Variants in GRM7 observed in about 807,000 individuals in gnomAD.
GRM7 encodes the protein glutamate metabotropic receptor 7, also known as metabotropic glutamate receptor 7.
In GRM7, 35 loss-of-function variants were observed where a neutral mutation model predicts 84.5. The ratio of observed to expected loss-of-function variants is 0.41; its 90% CI spans 0.32 to 0.55. GRM7 has a LOEUF of 0.55. Among genes scored for constraint, GRM7 ranks in the 20% least tolerant of loss-of-function variants. The pLI, the probability that GRM7 is intolerant of heterozygous loss-of-function variation, is 0.19. For synonymous variants in GRM7, 487 were observed against 455.1 expected (o/e 1.07, Z -0.89); for missense variants, 1,003 against 1,194.6 (o/e 0.84, Z 2.36).
rs71066013 is a variant in GRM7 at position 7,460,099 on chromosome 3, T to TAAAAAA, written c.1376-1459_1376-1454dup. On this transcript the variant is annotated intron_variant, in intron 6 of 9. Coordinates refer to ENST00000357716, the MANE Select transcript of GRM7 (RefSeq NM_000844.4). ...ACAGGGAAAAGTATGCTTAAAATAG[T>TAAAAAA]AAAAAAAAAAAAAAAAAAAAAAAAA... Among the ~76,000 whole-genome samples, 399 of 49,548 alleles carry TAAAAAA rather than the reference T, an allele frequency of 8.1e-3. 12 individuals are homozygous for TAAAAAA. Among genetic ancestry groups the TAAAAAA allele is most frequent in the South Asian group, 0.012 (9 of 744 alleles). 32.5% of individuals were successfully genotyped at this position (49,548 alleles called of 152,430 possible). A position where few individuals can be genotyped will look rare whatever the true frequency, so the allele number is the denominator to read the frequency against.
In GRM7 at chr3:6,890,749, T is replaced by C. The variant is rs367775965; in HGVS notation, c.519+28842T>C. On this transcript the variant is annotated intron_variant, in intron 1 of 9. Coordinates refer to ENST00000357716, the MANE Select transcript of GRM7 (RefSeq NM_000844.4). ...GAGTTCTGTAGATGTCTATTAGGTC[T>C]GCTTGGTGTAGAGCTGAGTTCAATT... Among the ~76,000 whole-genome samples the C allele has an allele frequency of 1.2e-4, 19 of 152,268 alleles. No individual in the cohort carries two copies. In the East Asian group the frequency reaches 2.3e-3, roughly 19 times the overall value.
intron 4 of GRM7, among the ~76,000 whole-genome samples, chr3:7,334,099 G>A (rs1350400939): frequency 6.6e-6 from 1 of 152,026 alleles, no homozygotes; most frequent in South Asian, 2.1e-4. Context: ...AATACAAATA[G>A]CTCAAAGAAC....
At chr3:7,590,366 A>G (rs1269506428) in intron 8 of GRM7, among the ~76,000 whole-genome samples, 2 of 152,210 alleles carry the variant, frequency 1.3e-5, no homozygotes, top group Non-Finnish European at 2.9e-5. Flanking sequence ...GTTTTTATAA[A>G]TAAGGTTAAT....
intron 5 of GRM7, among the ~76,000 whole-genome samples, chr3:7,434,761 A>G (rs1229751164): frequency 6.6e-6 from 1 of 152,116 alleles, no homozygotes; most frequent in Non-Finnish European, 1.5e-5. Flanking sequence ...CTTCTCTGGT[A>G]GTGTCTTTTT....
chr3:7,033,704 A>G (rs1043491102), intron 1 of GRM7, among the ~76,000 whole-genome samples: 1 of 152,190 alleles, frequency 6.6e-6, no homozygotes, highest in Non-Finnish European at 1.5e-5. Context: ...AACAATAAGC[A>G]GAACAGGATG....
In GRM7 at chr3:7,650,681, T is replaced by C. The variant is rs190100033; in HGVS notation, c.2452-29368T>C. ...GCAAGCAAAGGTCATTTTCTAGGAA[T>C]AGATTGAGAAAATTCAAAGTCCATA... On this transcript the variant is annotated intron_variant, in intron 8 of 9. Coordinates refer to ENST00000357716, the MANE Select transcript of GRM7 (RefSeq NM_000844.4). Among the ~76,000 whole-genome samples, 5 of 152,304 alleles carry C rather than the reference T, an allele frequency of 3.3e-5. No homozygotes were observed. The East Asian group carries it at 9.7e-4, about 29-fold the overall frequency.
Position 7,225,342 on chromosome 3 carries a change from T to C in GRM7, c.737-73342T>C, listed in dbSNP as rs925671633. Among the ~76,000 whole-genome samples the C allele has an allele frequency of 1.1e-4, 16 of 149,426 alleles. No individual in the cohort carries two copies. The East Asian group carries it at 2.3e-3, about 22-fold the overall frequency. Reference sequence around the variant, plus strand: ...CATTGGGTTATAATATATAACTTATTATATATACAATTTCTTATTTTATCT... The same window carrying C: ...CATTGGGTTATAATATATAACTTATCATATATACAATTTCTTATTTTATCT... On this transcript the variant is annotated intron_variant, in intron 2 of 9. Transcript: ENST00000357716.
At chr3:7,613,377 A>G (rs771965644) in intron 8 of GRM7, among the ~76,000 whole-genome samples, 1 of 152,210 alleles carries the variant, frequency 6.6e-6, no homozygotes, top group Non-Finnish European at 1.5e-5. Flanking sequence ...AGATTCAATT[A>G]TAGCTGACAA....
chr3:7,375,575 T>C (rs778643012), intron 4 of GRM7, among the ~76,000 whole-genome samples: 1 of 152,136 alleles, frequency 6.6e-6, no homozygotes, highest in Non-Finnish European at 1.5e-5. Flanking sequence ...CCAGACTTCA[T>C]GTCATTCCCC....
chr3:7,064,501 T>C (rs1344294547), intron 1 of GRM7, among the ~76,000 whole-genome samples: 1,556 of 90,000 alleles, frequency 0.017, 120 homozygotes, highest in African/African-American at 0.072. Context: ...CATATATATA[T>C]ACACATATAT....
intron 1 of GRM7, among the ~76,000 whole-genome samples, chr3:6,930,393 G>A (rs950885010): frequency 2.6e-5 from 4 of 152,146 alleles, no homozygotes; most frequent in South Asian, 2.1e-4. Flanking sequence ...AAACGATTGC[G>A]TGTCTATATC....
intron 1 of GRM7, among the ~76,000 whole-genome samples, chr3:6,916,616 AG>A (rs1337070538): frequency 1.3e-5 from 2 of 152,064 alleles, no homozygotes; most frequent in South Asian, 4.1e-4. Context: ...ACATGGTGGA[AG>A]GGGGGAACAA....
intron 7 of GRM7, among the ~76,000 whole-genome samples, chr3:7,577,035 T>C (rs960735701): frequency 6.6e-6 from 1 of 152,196 alleles, no homozygotes; most frequent in Non-Finnish European, 1.5e-5. Flanking sequence ...TTCCTCCTTT[T>C]AGCCATCAGC....
intron 1 of GRM7, among the ~76,000 whole-genome samples, chr3:7,079,250 G>C (rs1002213800): frequency 9.2e-5 from 14 of 152,088 alleles, no homozygotes; most frequent in African/African-American, 2.7e-4. Context: ...TGCTTAGCAA[G>C]AGTAAAGGAA....
chr3:7,551,316 C>A (rs1176511788), intron 7 of GRM7, among the ~76,000 whole-genome samples: 1 of 152,132 alleles, frequency 6.6e-6, no homozygotes, highest in African/African-American at 2.4e-5. Flanking sequence ...GGGTTTTTCA[C>A]GTGTAAAACA....
intron 8 of GRM7, among the ~76,000 whole-genome samples, chr3:7,609,695 A>G (rs1008195281): frequency 2.6e-5 from 4 of 152,200 alleles, no homozygotes; most frequent in African/African-American, 9.6e-5. Flanking sequence ...ACAGTGGATG[A>G]TGGATGAAAT....
intron 1 of GRM7, among the ~76,000 whole-genome samples, chr3:7,048,412 T>C (rs1696876557): frequency 6.6e-6 from 1 of 151,908 alleles, no homozygotes; most frequent in South Asian, 2.1e-4. Flanking sequence ...CATTAAATAA[T>C]AGTAAATTAA....
In GRM7 at chr3:7,282,404, C is replaced by G. The variant is rs117427989; in HGVS notation, c.737-16280C>G. Among the ~76,000 whole-genome samples the G allele has an allele frequency of 1.1e-4, 17 of 152,270 alleles. No homozygotes were observed. In the East Asian group the frequency reaches 3.1e-3, roughly 28 times the overall value. On this transcript the variant is annotated intron_variant, in intron 2 of 9. Transcript: ENST00000357716. The stretch of plus-strand genomic sequence containing the variant: ...CTGCCATGCCTTGGCTCATGGCTCT[C>G]GCCTATCCACAAACCTGGCAGTGCA...
At chr3:7,024,019 G>A (rs1039060666) in intron 1 of GRM7, among the ~76,000 whole-genome samples, 3 of 152,262 alleles carry the variant, frequency 2.0e-5, no homozygotes, top group South Asian at 2.1e-4. Flanking sequence ...TGGAAGAGGC[G>A]CAAACCAGGG....
Sources: gnomAD v4.1 joint callset for allele counts (sites outside exome capture counted in the v4.1 genomes callset) on GRCh38, gnomAD v4.1.1 for gene constraint, MANE v1.5 for transcripts, NCBI Gene and HGNC (gene_info 2026-07-23, HGNC 2026-07-21) for gene names.